Variants in CCP110 observed in about 807,000 individuals in gnomAD.
CCP110 encodes the protein centriolar coiled-coil protein 110.
Under a neutral mutation model 105.5 loss-of-function variants are expected in CCP110, and 43 were observed. That is an observed-to-expected ratio of 0.41 (90% CI 0.32 to 0.53). The LOEUF is 0.53. CCP110 is among the 20% of genes least tolerant of loss of function. The pLI is 0.32. For missense variants in CCP110, 1,016 were observed against 1,189.1 expected (o/e 0.85, Z 2.14); for synonymous variants, 353 against 392.1 (o/e 0.90, Z 1.18).
chr16:19,532,328 CAT>C lies in CCP110; in HGVS notation c.142-87_142-86del, dbSNP rs1215484552. On this transcript the variant is annotated intron_variant, in intron 2 of 14. Transcript: ENST00000381396. ...CTATACATTAGTTTTGCCTGTTGCA[CAT>C]GTTTTTAATCTTTCTGATTCACAAC... 2.0e-5 allele frequency: 23 copies of C among 1,146,306 alleles called. No individual in the cohort carries two copies. In the South Asian group the frequency reaches 2.5e-4, roughly 12 times the overall value. The allele number at this position is 1,146,306 out of a possible 1,614,324, so 71.0% of individuals were successfully genotyped here.
chr16:19,544,927 A>C, intron 9 of CCP110, 29 bp downstream of exon 9: 2 of 1,171,930 alleles, frequency 1.7e-6, no homozygotes, highest in Non-Finnish European at 2.5e-6. Flanking sequence ...AAGGCTTTTA[A>C]GACATGGACA....
intron 12 of CCP110, chr16:19,547,060 T>C (rs1016195756): frequency 2.0e-5 from 3 of 152,362 alleles, no homozygotes; most frequent in Non-Finnish European, 2.9e-5. Flanking sequence ...TGTCTTGAGT[T>C]CAGTTAGACA....
At chr16:19,540,928 A>AT in intron 5 of CCP110, 141 bp downstream of exon 5, 2 of 532,616 alleles carry the variant, frequency 3.8e-6, no homozygotes, top group Non-Finnish European at 3.3e-6. Context: ...CGTGAATGGT[A>AT]TTTTTTGTCA....
intron 14 of CCP110, among the ~76,000 whole-genome samples, chr16:19,549,492 G>C (rs1268408281): frequency 3.3e-5 from 5 of 152,198 alleles, no homozygotes; most frequent in Admixed American, 1.3e-4. Context: ...CTGACCTTTT[G>C]TATGTATGTA....
At chr16:19,535,416 ATTACTGAATCAT>A (rs1436552072) in intron 3 of CCP110, among the ~76,000 whole-genome samples, 1 of 152,164 alleles carries the variant, frequency 6.6e-6, no homozygotes, top group Non-Finnish European at 1.5e-5. Context: ...CAGGAGTCTT[ATTACTGAATCAT>A]TTTTGCTTAA....
intron 10 of CCP110, 129 bp downstream of exon 10, chr16:19,545,339 C>CT (rs1330861526): frequency 1.7e-5 from 9 of 539,864 alleles, no homozygotes; most frequent in Non-Finnish European, 3.0e-5. Context: ...CCTGGAATTA[C>CT]TAGCAGCATT....
At chr16:19,532,076 A>G (rs1255806313) in intron 2 of CCP110, among the ~76,000 whole-genome samples, 1 of 152,192 alleles carries the variant, frequency 6.6e-6, no homozygotes, top group African/African-American at 2.4e-5. Context: ...TATTTCTGTC[A>G]TTTTAGAACA....
intron 8 of CCP110, among the ~76,000 whole-genome samples, chr16:19,543,832 T>G (rs575606996): frequency 6.6e-6 from 1 of 152,258 alleles, no homozygotes; most frequent in Non-Finnish European, 1.5e-5. Flanking sequence ...CCTGGTAAAT[T>G]TGTGGTCGGA....
At chr16:19,542,569 C>T (rs1187284403) in intron 6 of CCP110, 52 bp from the exon 7 acceptor site, 22 of 1,365,828 alleles carry the variant, frequency 1.6e-5, no homozygotes, top group South Asian at 3.6e-5. Context: ...GGATGTTCTT[C>T]GTATTCTAAT....
At chr16:19,536,657 G>T in exon 4 of CCP110, 1 of 1,614,102 alleles carries the variant, frequency 6.2e-7, no homozygotes, top group Non-Finnish European at 8.5e-7. Flanking sequence ...TATACGAACT[G>T]GCCATCCCAC....
chr16:19,535,126 C>T (rs1468254750), intron 3 of CCP110, among the ~76,000 whole-genome samples: 3 of 151,992 alleles, frequency 2.0e-5, no homozygotes, highest in East Asian at 3.9e-4. Flanking sequence ...ATGATCCGCC[C>T]GCCTCGGCCT....
At chr16:19,524,207 C>G (rs1271768153) in intron 1 of CCP110, 119 bp downstream of exon 1, 3 of 152,352 alleles carry the variant, frequency 2.0e-5, no homozygotes, top group African/African-American at 7.2e-5. Flanking sequence ...TCCCGGGCCT[C>G]GAGCCCCCTG....
chr16:19,528,098 G>T, intron 2 of CCP110, 76 bp downstream of exon 2: 1 of 1,260,830 alleles, frequency 7.9e-7, no homozygotes. Flanking sequence ...ACAAAAGAAA[G>T]GCTTATAAAC....
chr16:19,544,491 G>A lies in CCP110; in HGVS notation c.2485-306G>A, dbSNP rs1308992362. Among the ~76,000 whole-genome samples, 3 of 151,942 alleles carry A rather than the reference G, an allele frequency of 2.0e-5. No homozygotes were observed. The East Asian group carries it at 5.8e-4, about 29-fold the overall frequency. On this transcript the variant is annotated intron_variant, in intron 8 of 14. Coordinates refer to ENST00000381396, the Ensembl canonical transcript of CCP110. ...GAACATGTACAAATTTTTTTTCCTTGTCATTATTTCCTAAACAATATAACA... is the reference window on the plus strand; with the variant it reads ...GAACATGTACAAATTTTTTTTCCTTATCATTATTTCCTAAACAATATAACA...
At chr16:19,537,656 T>G in intron 4 of CCP110, 69 bp downstream of exon 4, 5 of 909,388 alleles carry the variant, frequency 5.5e-6, no homozygotes, top group Non-Finnish European at 8.2e-6. Context: ...TTAATTGACA[T>G]TTTTGGGAAA....
chr16:19,538,050 C>T (rs1262799248), intron 4 of CCP110, among the ~76,000 whole-genome samples: 1 of 152,168 alleles, frequency 6.6e-6, no homozygotes, highest in East Asian at 1.9e-4. Context: ...AGGCGTGAGC[C>T]ACGACACCCA....
In CCP110 at chr16:19,540,078, T is replaced by C. The variant is rs558053951; in HGVS notation, c.1919-579T>C. Among the ~76,000 whole-genome samples, 11 of 152,332 alleles carry C rather than the reference T, an allele frequency of 7.2e-5. No individual in the cohort carries two copies. In the South Asian group the frequency reaches 2.3e-3, roughly 32 times the overall value. ...GATTACAGACGTGAGCCACCACACC[T>C]GGCCCATACTTGGTATTTGTACATT... On this transcript the variant is annotated intron_variant, in intron 4 of 14. Transcript: ENST00000381396.
chr16:19,542,979 T>A (rs774418377), exon 8 of CCP110: 1 of 1,570,910 alleles, frequency 6.4e-7, no homozygotes, highest in South Asian at 1.1e-5. Context: ...TGAAGCAACT[T>A]CGACAAACTG....
At chr16:19,536,640 A>G (rs1223158927) in exon 4 of CCP110, 3 of 1,614,182 alleles carry the variant, frequency 1.9e-6, no homozygotes, top group Non-Finnish European at 2.5e-6. Flanking sequence ...TCGAAAGTGG[A>G]CATACCTATA....
Sources: gnomAD v4.1 joint callset for allele counts (sites outside exome capture counted in the v4.1 genomes callset) on GRCh38, gnomAD v4.1.1 for gene constraint, MANE v1.5 for transcripts, NCBI Gene and HGNC (gene_info 2026-07-23, HGNC 2026-07-21) for gene names.